WDFY3: variants seen among roughly 807,000 people sequenced by gnomAD.
WDFY3 encodes WD repeat and FYVE domain-containing protein 3.
Under a neutral mutation model 409.6 loss-of-function variants are expected in WDFY3, and 66 were observed. That is an observed-to-expected ratio of 0.16 (90% confidence interval 0.13 to 0.20). The LOEUF (loss-of-function observed/expected upper bound fraction) is 0.20, where lower values mean the gene tolerates loss of function less well. WDFY3 is among the 10% of genes least tolerant of loss of function. The pLI is 1.00. For missense variants in WDFY3, 3,031 were observed against 4,298.1 expected, an observed-to-expected ratio of 0.71 and a Z score of 8.24; for synonymous variants, 1,521 against 1,537.1, an observed-to-expected ratio of 0.99 and a Z score of 0.25.
intron 2 of WDFY3, among the ~76,000 whole-genome samples, chr4:84,899,076 C>G (rs1041476428): frequency 3.9e-5 from 6 of 152,130 alleles, no homozygotes; most frequent in Non-Finnish European, 8.8e-5. Context: ...TTCTAGGATA[C>G]GATCAACTGT....
At chr4:84,806,811 G>A (rs532628902) in intron 15 of WDFY3, among the ~76,000 whole-genome samples, 6 of 151,746 alleles carry the variant, frequency 4.0e-5, no homozygotes, top group Admixed American at 2.6e-4. Flanking sequence ...GGGTTTCACC[G>A]TGTTGCCAGG....
intron 67 of WDFY3, among the ~76,000 whole-genome samples, chr4:84,675,844 A>G (rs1726186804): frequency 6.6e-6 from 1 of 152,184 alleles, no homozygotes; most frequent in Non-Finnish European, 1.5e-5. Context: ...TAGGACAGAG[A>G]TATCAACCAA....
At chr4:84,948,833 ATAGC>A (rs1313615953) in intron 1 of WDFY3, among the ~76,000 whole-genome samples, 1 of 152,164 alleles carries the variant, frequency 6.6e-6, no homozygotes, top group Non-Finnish European at 1.5e-5. Context: ...CCAAGGACTG[ATAGC>A]TAGAGTCCAG....
At chr4:84,706,592 T>C (rs1731988091) in intron 53 of WDFY3, among the ~76,000 whole-genome samples, 1 of 147,302 alleles carries the variant, frequency 6.8e-6, no homozygotes, top group Non-Finnish European at 1.5e-5. Context: ...GTTATACAGC[T>C]ATAGGGCAGT....
chr4:84,775,142 TA>T lies in WDFY3; in HGVS notation c.4519-5del. On this transcript the variant is annotated splice_polypyrimidine_tract_variant and splice_region_variant and intron_variant, in intron 27 of 67. Transcript: ENST00000295888. ...CATATGGTGCATGGAGCCAGACCTA[TA>T]ATAAATAAAAACAGTAGTATATTTA... The T allele has an allele frequency of 6.2e-7, 1 of 1,611,502 alleles. No individual in the cohort carries two copies. The highest frequency in any genetic ancestry group is 1.9e-4 in the Middle Eastern group (1 of 5,230).
At chr4:84,788,768 C>T (rs866435403) in intron 22 of WDFY3, among the ~76,000 whole-genome samples, 3 of 152,134 alleles carry the variant, frequency 2.0e-5, no homozygotes, top group Non-Finnish European at 4.4e-5. Context: ...TGGCTATATC[C>T]CAGCATTTTG....
intron 44 of WDFY3, among the ~76,000 whole-genome samples, chr4:84,731,912 T>C (rs1736670047): frequency 6.6e-6 from 1 of 152,218 alleles, no homozygotes; most frequent in African/African-American, 2.4e-5. Flanking sequence ...CTTGAATGGA[T>C]TCAATTTAAG....
At chr4:84,837,117 AATAG>A (rs1156686851) in intron 6 of WDFY3, 27 bp from the exon 7 acceptor site, 7 of 1,465,928 alleles carry the variant, frequency 4.8e-6, no homozygotes, top group Non-Finnish European at 6.4e-6. Flanking sequence ...TAAATAAGTG[AATAG>A]ATAGACACAA....
intron 49 of WDFY3, 67 bp downstream of exon 49, chr4:84,716,829 A>G: frequency 7.7e-7 from 1 of 1,297,412 alleles, no homozygotes. Flanking sequence ...AAAAAATAAA[A>G]TAAAATAAAA....
intron 53 of WDFY3, among the ~76,000 whole-genome samples, chr4:84,705,987 T>C (rs1039684889): frequency 4.1e-5 from 6 of 145,982 alleles, no homozygotes; most frequent in African/African-American, 1.5e-4. Flanking sequence ...TTCTCAGAGG[T>C]GATCTGGAAG....
At chr4:84,948,634 T>G (rs1351329930) in intron 1 of WDFY3, among the ~76,000 whole-genome samples, 1 of 152,182 alleles carries the variant, frequency 6.6e-6, no homozygotes, top group African/African-American at 2.4e-5. Flanking sequence ...GCAGATTAGA[T>G]AGTTAGGATT....
chr4:84,791,242 A>G (rs1214750752), intron 21 of WDFY3, among the ~76,000 whole-genome samples: 1 of 152,208 alleles, frequency 6.6e-6, no homozygotes. Context: ...AAATTTTGCA[A>G]TATCTGACAA....
chr4:84,893,890 TG>T (rs1765261014), intron 3 of WDFY3, among the ~76,000 whole-genome samples: 2 of 151,908 alleles, frequency 1.3e-5, no homozygotes, highest in African/African-American at 4.8e-5. Context: ...CTCAGGAGGC[TG>T]AGGCAGAGAA....
intron 57 of WDFY3, 140 bp downstream of exon 57, chr4:84,696,592 T>C (rs1730188445): frequency 1.4e-6 from 1 of 718,670 alleles, no homozygotes; most frequent in Non-Finnish European, 2.3e-6. Context: ...CTGGGGTTCT[T>C]GGGATGTATC....
chr4:84,811,162 T>C (rs1752432289), intron 13 of WDFY3, among the ~76,000 whole-genome samples: 1 of 152,094 alleles, frequency 6.6e-6, no homozygotes, highest in African/African-American at 2.4e-5. Flanking sequence ...TATGCCCAGT[T>C]AATTTTTTGT....
At position 84,869,323 on chromosome 4, in the gene WDFY3, AT is replaced by A. The variant is rs144764133; in HGVS notation, c.-31-8702del. Among the ~76,000 whole-genome samples the A allele has an allele frequency of 4.1e-3, 619 of 152,204 alleles. 1 individual carries two copies. The highest frequency in any genetic ancestry group is 0.01 in the Middle Eastern group (3 of 294). On this transcript the variant is annotated intron_variant, in intron 3 of 67. Coordinates refer to ENST00000295888, the MANE Select transcript of WDFY3 (RefSeq NM_014991.6). ...TCCTTTGACTTCTCCCAATTGTTCA[AT>A]AGAGGTGAGACTATATTTAATTCTC... is the stretch of plus-strand genomic sequence containing the variant.
chr4:84,889,924 C>G lies in WDFY3; in HGVS notation c.-32+6987G>C, dbSNP rs563144432. On this transcript the variant is annotated intron_variant, in intron 3 of 67. Coordinates refer to ENST00000295888, the MANE Select transcript of WDFY3 (RefSeq NM_014991.6). Reference sequence around the variant, plus strand: ...AGAGTATGTTCCAAATTCTTATAGCCAGTATATGATAAATATGGTGGGGAT... The same window carrying G: ...AGAGTATGTTCCAAATTCTTATAGCGAGTATATGATAAATATGGTGGGGAT... Among the ~76,000 whole-genome samples the G allele has an allele frequency of 4.6e-5, 7 of 152,088 alleles. No individual in the cohort carries two copies. The South Asian group carries it at 1.5e-3, about 32-fold the overall frequency.
At chr4:84,803,139 A>T (rs916259649) in intron 16 of WDFY3, 151 bp downstream of exon 16, 4 of 765,362 alleles carry the variant, frequency 5.2e-6, no homozygotes, top group Middle Eastern at 2.7e-4. Context: ...GAAAGGTAAC[A>T]CTCAAATAAA....
intron 23 of WDFY3, 61 bp downstream of exon 23, chr4:84,787,421 G>A: frequency 6.8e-7 from 1 of 1,477,160 alleles, no homozygotes; most frequent in Non-Finnish European, 9.3e-7. Flanking sequence ...ACACACACAT[G>A]CATCTATATT....
Sources: gnomAD v4.1 joint callset for allele counts (sites outside exome capture counted in the v4.1 genomes callset) on GRCh38, gnomAD v4.1.1 for gene constraint, MANE v1.5 for transcripts, NCBI Gene and HGNC (gene_info 2026-07-23, HGNC 2026-07-21) for gene names.